The following BRINP3 variants were observed in gnomAD, a reference collection of about 807,000 sequenced individuals.
BRINP3 encodes the protein BMP/retinoic acid inducible neural specific 3, also known as BMP/retinoic acid-inducible neural-specific protein 3.
Under a neutral mutation model 71.0 loss-of-function variants are expected in BRINP3, and 19 were observed. The ratio of observed to expected loss-of-function variants is 0.27; its 90% CI spans 0.19 to 0.39. The LOEUF is 0.39. Among genes scored for constraint, BRINP3 ranks in the 10% least tolerant of loss-of-function variants. BRINP3 has a pLI of 1.00. For missense variants in BRINP3, 959 were observed against 940.8 expected, an observed-to-expected ratio of 1.02 and a Z score of -0.25; for synonymous variants, 380 against 337.7, an observed-to-expected ratio of 1.13 and a Z score of -1.37.
At chr1:190,226,379 T>TA in intron 5 of BRINP3, 61 bp from the exon 6 acceptor site, 1 of 882,308 alleles carries the variant, frequency 1.1e-6, no homozygotes, top group African/African-American at 1.7e-5. Context: ...TTAAAATACT[T>TA]ATTTATAATA....
intron 4 of BRINP3, among the ~76,000 whole-genome samples, chr1:190,253,168 A>T (rs1660307316): frequency 6.6e-6 from 1 of 152,110 alleles, no homozygotes; most frequent in African/African-American, 2.4e-5. Context: ...TTCTTAATCC[A>T]GTCTATCATT....
intron 2 of BRINP3, among the ~76,000 whole-genome samples, chr1:190,417,650 C>A (rs774839130): frequency 6.6e-6 from 1 of 151,996 alleles, no homozygotes; most frequent in Non-Finnish European, 1.5e-5. Flanking sequence ...ATAATTGGCC[C>A]ATCTCTAAAG....
intron 2 of BRINP3, among the ~76,000 whole-genome samples, chr1:190,437,604 G>A (rs532372990): frequency 2.0e-4 from 30 of 151,816 alleles, no homozygotes; most frequent in Non-Finnish European, 3.1e-4. Context: ...ATACACTCAC[G>A]TGCAGTGGTA....
chr1:190,359,202 A>AAAAC (rs1215406109), intron 2 of BRINP3, among the ~76,000 whole-genome samples: 1 of 152,052 alleles, frequency 6.6e-6, no homozygotes, highest in East Asian at 1.9e-4. Context: ...AAAAGCTATT[A>AAAAC]AAACAAACAA....
At chr1:190,382,892 C>T (rs898448589) in intron 2 of BRINP3, among the ~76,000 whole-genome samples, 3 of 152,110 alleles carry the variant, frequency 2.0e-5, no homozygotes, top group Non-Finnish European at 2.9e-5. Flanking sequence ...AGAGCAAATG[C>T]CACAGTTCCT....
intron 7 of BRINP3, among the ~76,000 whole-genome samples, chr1:190,111,952 A>G (rs1319575818): frequency 6.6e-6 from 1 of 152,166 alleles, no homozygotes; most frequent in Non-Finnish European, 1.5e-5. Context: ...AGAGGAAAAT[A>G]CCTCAGAAAC....
At chr1:190,448,500 T>G (rs2102598491) in intron 2 of BRINP3, among the ~76,000 whole-genome samples, 1 of 147,250 alleles carries the variant, frequency 6.8e-6, no homozygotes, top group East Asian at 2.0e-4. Context: ...TGTGATCTAT[T>G]TCATCCATAA....
intron 5 of BRINP3, among the ~76,000 whole-genome samples, chr1:190,228,393 A>G (rs1246390340): frequency 2.0e-5 from 3 of 151,938 alleles, no homozygotes; most frequent in African/African-American, 4.8e-5. Context: ...ACACAAAAAA[A>G]CCAAAGAACT....
In BRINP3 at chr1:190,388,706, G is replaced by A. The variant is rs369521156; in HGVS notation, c.236+65949C>T. On this transcript the variant is annotated intron_variant, in intron 2 of 7. Transcript: ENST00000367462. ...AATTTATGTTGTTTTATGCCACCCA[G>A]TTTGTGATAATTTATTACAACATCT... Among the ~76,000 whole-genome samples, 6 of 151,852 alleles carry A rather than the reference G, an allele frequency of 4.0e-5. No individual in the cohort carries two copies. In the East Asian group the frequency reaches 9.7e-4, roughly 25 times the overall value.
At chr1:190,380,856 T>A (rs539165566) in intron 2 of BRINP3, among the ~76,000 whole-genome samples, 4 of 152,156 alleles carry the variant, frequency 2.6e-5, no homozygotes, top group Admixed American at 6.6e-5. Context: ...GCAAATAAAT[T>A]AGTGGGGATT....
chr1:190,231,224 T>C (rs771171237), intron 5 of BRINP3, among the ~76,000 whole-genome samples: 1 of 151,782 alleles, frequency 6.6e-6, no homozygotes, highest in Non-Finnish European at 1.5e-5. Flanking sequence ...AATTATTATC[T>C]GTCTTCATTT....
intron 2 of BRINP3, among the ~76,000 whole-genome samples, chr1:190,389,618 C>T (rs918802520): frequency 6.6e-6 from 1 of 151,678 alleles, no homozygotes; most frequent in Non-Finnish European, 1.5e-5. Context: ...TATTTTCTGT[C>T]TGCTGGGTGA....
chr1:190,252,029 C>G (rs1189445135), intron 4 of BRINP3, among the ~76,000 whole-genome samples: 1 of 151,998 alleles, frequency 6.6e-6, no homozygotes. Flanking sequence ...AAAGATTTGT[C>G]AGATACACTA....
At chr1:190,357,998 C>A (rs1668853382) in intron 2 of BRINP3, among the ~76,000 whole-genome samples, 1 of 151,184 alleles carries the variant, frequency 6.6e-6, no homozygotes, top group Non-Finnish European at 1.5e-5. Context: ...ACACCTTATA[C>A]AAAAATTAAT....
At chr1:190,311,801 G>A (rs992591154) in intron 2 of BRINP3, among the ~76,000 whole-genome samples, 6 of 150,664 alleles carry the variant, frequency 4.0e-5, no homozygotes, top group African/African-American at 1.5e-4. Flanking sequence ...TCTAAAGAGA[G>A]AGTGGAGAAA....
Position 190,160,813 on chromosome 1 carries a change from T to C in BRINP3, c.1039A>G (p.Met347Val). 6.2e-7 allele frequency: 1 copy of C among 1,613,648 alleles called. No homozygotes were observed. Among genetic ancestry groups the C allele is most frequent in the Non-Finnish European group, 8.5e-7 (1 of 1,179,708 alleles). The change falls in exon 7 of 8, where the codon ATG becomes GTG. Residue 347 changes from methionine to valine, a missense_variant. Coordinates refer to ENST00000367462, the MANE Select transcript of BRINP3 (RefSeq NM_199051.3). The part of the protein sequence containing the change: ...NTSTIMHLWT[M>V]DSNFQRRYEQ... ...TAACGGCGCTGAAAATTAGAATCCA[T>C]TGTCCACAAATGCATTATAGTAGAT...
chr1:190,178,058 T>C (rs969234151), intron 6 of BRINP3, among the ~76,000 whole-genome samples: 3 of 152,200 alleles, frequency 2.0e-5, no homozygotes, highest in Admixed American at 1.3e-4. Flanking sequence ...TGCCATTTTA[T>C]ATAAGAGACT....
chr1:190,129,623 C>A (rs1654367903), intron 7 of BRINP3, among the ~76,000 whole-genome samples: 2 of 151,942 alleles, frequency 1.3e-5, no homozygotes, highest in African/African-American at 4.8e-5. Flanking sequence ...GTGATGAGGA[C>A]TTTTAAACTG....
chr1:190,255,343 G>A (rs1558114812), intron 4 of BRINP3, among the ~76,000 whole-genome samples: 1 of 151,816 alleles, frequency 6.6e-6, no homozygotes, highest in Non-Finnish European at 1.5e-5. Flanking sequence ...GATTGGAATG[G>A]TTTCAGAAGG....
Sources: allele counts gnomAD v4.1 joint callset (sites outside exome capture counted in the v4.1 genomes callset), GRCh38; gene constraint gnomAD v4.1.1; transcripts MANE v1.5; gene names NCBI Gene and HGNC (gene_info 2026-07-23, HGNC 2026-07-21).